The following PTPRD variants were observed in gnomAD, a reference collection of about 807,000 sequenced individuals.
The protein encoded by PTPRD is receptor-type tyrosine-protein phosphatase delta.
In PTPRD, 34 loss-of-function variants were observed where a neutral mutation model predicts 214.5. That is an observed-to-expected ratio of 0.16 (90% CI 0.12 to 0.21). The LOEUF is 0.21. PTPRD is among the 10% of genes least tolerant of loss of function. The pLI is 1.00. For synonymous variants in PTPRD, 1,128 were observed against 845.7 expected, an observed-to-expected ratio of 1.33 and a Z score of -5.79; for missense variants, 2,545 against 2,398.7, an observed-to-expected ratio of 1.06 and a Z score of -1.27.
At chr9:10,386,211 G>T (rs1419578752) in intron 2 of PTPRD, among the ~76,000 whole-genome samples, 2 of 151,768 alleles carry the variant, frequency 1.3e-5, no homozygotes, top group Non-Finnish European at 2.9e-5. Flanking sequence ...CTTATGGCAG[G>T]TGGAAGAACC....
intron 7 of PTPRD, among the ~76,000 whole-genome samples, chr9:9,593,017 C>T (rs1368827010): frequency 6.7e-6 from 1 of 149,674 alleles, no homozygotes; most frequent in Non-Finnish European, 1.5e-5. Context: ...TGCATTCCAG[C>T]CTGGGTGAGA....
At position 8,927,143 on chromosome 9, in the gene PTPRD, C is replaced by T. The variant is rs115473057; in HGVS notation, c.-104+91554G>A. 8.3e-3 allele frequency among the ~76,000 whole-genome samples: 1,263 copies of T among 152,172 alleles called. 16 individuals carry two copies. Among genetic ancestry groups the T allele is most frequent in the African/African-American group, 0.025 (1,034 of 41,518 alleles). Reference sequence around the variant, plus strand: ...AAAAAAAGGCAAAATTCTAATTTAACAGCTTGAAATAAGAGTCCTACCTCT... The same window carrying T: ...AAAAAAAGGCAAAATTCTAATTTAATAGCTTGAAATAAGAGTCCTACCTCT... On this transcript the variant is annotated intron_variant, in intron 11 of 45. Transcript: ENST00000381196.
At position 10,355,795 on chromosome 9, in the gene PTPRD, C is replaced by T. The variant is rs1463702975; in HGVS notation, c.-599-14778G>A. ...GGCCGGCCGCTGCTATATTTCAATC[C>T]TTTAAATATATACTTAAAACATAGA... On this transcript the variant is annotated intron_variant, in intron 2 of 45. Coordinates refer to ENST00000381196, the MANE Select transcript of PTPRD (RefSeq NM_002839.4). Among the ~76,000 whole-genome samples the T allele has an allele frequency of 2.6e-5, 4 of 152,092 alleles. No homozygotes were observed. In the East Asian group the frequency reaches 7.8e-4, roughly 29 times the overall value.
intron 3 of PTPRD, among the ~76,000 whole-genome samples, chr9:10,340,559 A>G (rs1422042115): frequency 6.6e-6 from 1 of 151,948 alleles, no homozygotes; most frequent in Non-Finnish European, 1.5e-5. Flanking sequence ...TAGCTCAGAT[A>G]TTAAATAGCC....
Position 8,636,844 on chromosome 9 carries a change from G to C in PTPRD, c.65C>G (p.Thr22Arg), listed in dbSNP as rs1251077945. The change falls in exon 13 of 46, where the codon ACA becomes AGA. Residue 22 changes from threonine to arginine, a missense_variant and splice_region_variant. Coordinates refer to ENST00000381196, the MANE Select transcript of PTPRD (RefSeq NM_002839.4). ...GGGTGTTCGTGTAAACCTTGGAGGT[G>C]CTGAAATAAAAAATAAACATCACAG... ...LTFFLRTDAETPPRFTRTPVD... is the reference protein window; with the variant it reads ...LTFFLRTDAERPPRFTRTPVD... The C allele has an allele frequency of 6.2e-7, 1 of 1,610,432 alleles. No homozygotes were observed. The highest frequency in any genetic ancestry group is 1.7e-5 in the Admixed American group (1 of 59,766).
At chr9:10,354,618 T>C (rs1216496568) in intron 2 of PTPRD, among the ~76,000 whole-genome samples, 1 of 152,250 alleles carries the variant, frequency 6.6e-6, no homozygotes, top group Non-Finnish European at 1.5e-5. Context: ...AGCAATTTTA[T>C]CTTCTATTCA....
chr9:9,892,163 C>A (rs1285664470), intron 5 of PTPRD, among the ~76,000 whole-genome samples: 1 of 151,888 alleles, frequency 6.6e-6, no homozygotes, highest in Non-Finnish European at 1.5e-5. Flanking sequence ...AGGGCAGGTG[C>A]TGATAAGTTC....
At chr9:10,214,058 C>G (rs1374761585) in intron 3 of PTPRD, among the ~76,000 whole-genome samples, 1 of 152,034 alleles carries the variant, frequency 6.6e-6, no homozygotes, top group Non-Finnish European at 1.5e-5. Flanking sequence ...ATAAGCCCCT[C>G]ATATATGTAA....
At chr9:9,300,750 T>C (rs1346673044) in intron 9 of PTPRD, among the ~76,000 whole-genome samples, 1 of 151,824 alleles carries the variant, frequency 6.6e-6, no homozygotes, top group African/African-American at 2.4e-5. Context: ...AGACTTTCAA[T>C]TTTTAGAACT....
intron 5 of PTPRD, among the ~76,000 whole-genome samples, chr9:9,908,028 T>A (rs1193005724): frequency 6.6e-6 from 1 of 151,658 alleles, no homozygotes; most frequent in Non-Finnish European, 1.5e-5. Flanking sequence ...TACAGTGAGA[T>A]TATAATATGA....
chr9:9,076,709 T>C (rs2099751746), intron 10 of PTPRD, among the ~76,000 whole-genome samples: 1 of 152,080 alleles, frequency 6.6e-6, no homozygotes, highest in Non-Finnish European at 1.5e-5. Flanking sequence ...GGATGGACAT[T>C]AGGTTGCCTC....
chr9:10,450,795 G>T (rs967246092), intron 2 of PTPRD, among the ~76,000 whole-genome samples: 2 of 151,944 alleles, frequency 1.3e-5, no homozygotes, highest in African/African-American at 4.8e-5. Flanking sequence ...GAATATGACT[G>T]CTGCTCTACC....
intron 11 of PTPRD, among the ~76,000 whole-genome samples, chr9:8,774,527 C>CTTTTTTTTTTTTT (rs564318443): frequency 6.7e-5 from 7 of 105,226 alleles, no homozygotes; most frequent in Non-Finnish European, 1.1e-4. Context: ...TGAAAAGTAA[C>CTTTTTTTTTTTTT]TTTTTTTTTT....
chr9:9,026,700 C>G (rs1396531477), intron 10 of PTPRD, among the ~76,000 whole-genome samples: 2 of 151,886 alleles, frequency 1.3e-5, no homozygotes, highest in African/African-American at 2.4e-5. Flanking sequence ...GACATTAATG[C>G]TGAAGAAGCA....
intron 11 of PTPRD, among the ~76,000 whole-genome samples, chr9:8,738,521 A>C (rs1302674305): frequency 6.6e-6 from 1 of 152,118 alleles, no homozygotes; most frequent in Non-Finnish European, 1.5e-5. Context: ...GCCATACCAG[A>C]AGCAAGGAAG....
chr9:9,530,860 T>C (rs1053306871), intron 8 of PTPRD, among the ~76,000 whole-genome samples: 1 of 151,984 alleles, frequency 6.6e-6, no homozygotes, highest in African/African-American at 2.4e-5. Context: ...GAACATGCAA[T>C]GATGGATACC....
intron 43 of PTPRD, among the ~76,000 whole-genome samples, chr9:8,337,602 G>T (rs1038609802): frequency 2.6e-5 from 4 of 151,488 alleles, no homozygotes; most frequent in Non-Finnish European, 5.9e-5. Context: ...TACACTCCAG[G>T]AGCACAGACA....
chr9:9,636,885 T>A (rs747971971), intron 7 of PTPRD, among the ~76,000 whole-genome samples: 13 of 152,172 alleles, frequency 8.5e-5, no homozygotes, highest in Non-Finnish European at 1.6e-4. Flanking sequence ...TGCCAACAAT[T>A]TCAGCATCTG....
At chr9:10,528,226 G>A (rs746306612) in intron 2 of PTPRD, among the ~76,000 whole-genome samples, 6 of 152,136 alleles carry the variant, frequency 3.9e-5, no homozygotes, top group Non-Finnish European at 8.8e-5. Context: ...TAAAAACATG[G>A]ATGCTCCAGG....
Sources: allele counts gnomAD v4.1 joint callset (sites outside exome capture counted in the v4.1 genomes callset), GRCh38; gene constraint gnomAD v4.1.1; transcripts MANE v1.5; gene names NCBI Gene and HGNC (gene_info 2026-07-23, HGNC 2026-07-21).